The following MAP7 variants were observed in gnomAD, a reference collection of about 807,000 sequenced individuals.
The protein encoded by MAP7 is ensconsin.
In MAP7, 52 loss-of-function variants were observed where a neutral mutation model predicts 94.8. That is an observed-to-expected ratio of 0.55 (90% CI 0.44 to 0.69). The LOEUF (loss-of-function observed/expected upper bound fraction) is 0.69. Ranked by LOEUF, MAP7 falls within the 30% of genes least tolerant of loss-of-function variation. The pLI is 0.00. For synonymous variants in MAP7, 350 were observed against 357.0 expected (o/e 0.98, Z 0.22); for missense variants, 940 against 964.6 (o/e 0.97, Z 0.34).
intron 2 of MAP7, chr6:136,419,875 T>A (rs772634968): frequency 2.1e-5 from 10 of 486,958 alleles, no homozygotes; most frequent in Non-Finnish European, 3.9e-5. Flanking sequence ...TAAAGCTGTG[T>A]GTCAAGACTG....
At chr6:136,457,308 TA>T (rs561280865) in intron 1 of MAP7, among the ~76,000 whole-genome samples, 479 of 139,526 alleles carry the variant, frequency 3.4e-3, no homozygotes, top group Middle Eastern at 0.011. Flanking sequence ...AATCAGGAAT[TA>T]AAAAAAAAAA....
intron 1 of MAP7, among the ~76,000 whole-genome samples, chr6:136,456,109 G>C (rs1802773256): frequency 6.6e-6 from 1 of 152,086 alleles, no homozygotes; most frequent in African/African-American, 2.4e-5. Context: ...ACCCATTTAG[G>C]TTACTCATAG....
intron 9 of MAP7, 128 bp downstream of exon 9, chr6:136,366,199 C>A: frequency 9.5e-7 from 1 of 1,055,482 alleles, no homozygotes; most frequent in Non-Finnish European, 1.4e-6. Context: ...TTTTTCTTTC[C>A]TTTTGGGAAG....
chr6:136,345,990 G>A lies in MAP7; in HGVS notation c.2105C>T (p.Ser702Phe). 1.9e-6 allele frequency: 3 copies of A among 1,612,846 alleles called. 1 individual carries two copies. The highest frequency in any genetic ancestry group is 2.2e-5 in the South Asian group (2 of 91,048). Residue 702 changes from serine (S) to phenylalanine (F), a missense_variant, in exon 17 of 18, where the codon TCT becomes TTT. Physicochemically the swap from Ser to Phe is radical, Grantham distance 155. Transcript: ENST00000354570. ...FEEIINLPIG[S>F]KPSRLDVTNS... The stretch of plus-strand genomic sequence containing the variant: ...GGTGACATCTAATCTGGATGGTTTA[G>A]ATCCAATGGGTAAGTTTATAATTTC...
intron 7 of MAP7, among the ~76,000 whole-genome samples, chr6:136,374,960 C>T (rs527363791): frequency 1.3e-5 from 2 of 151,912 alleles, no homozygotes; most frequent in Non-Finnish European, 2.9e-5. Context: ...CACTTCATAT[C>T]CCAAATAGTT....
At chr6:136,478,949 A>G (rs1811823505) in intron 1 of MAP7, among the ~76,000 whole-genome samples, 2 of 148,476 alleles carry the variant, frequency 1.3e-5, no homozygotes, top group African/African-American at 2.5e-5. Flanking sequence ...TCATTCTAAG[A>G]GGCATGATAC....
chr6:136,387,408 T>C (rs1779458464), intron 5 of MAP7, among the ~76,000 whole-genome samples: 1 of 152,230 alleles, frequency 6.6e-6, no homozygotes, highest in Non-Finnish European at 1.5e-5. Flanking sequence ...ATTCCACATG[T>C]AATTACTTTA....
At chr6:136,523,293 C>T (rs148472791) in intron 1 of MAP7, among the ~76,000 whole-genome samples, 2 of 152,308 alleles carry the variant, frequency 1.3e-5, no homozygotes, top group African/African-American at 2.4e-5. Flanking sequence ...CGTCAGGAAG[C>T]AGTAAGGACG....
intron 1 of MAP7, among the ~76,000 whole-genome samples, chr6:136,527,164 CT>C (rs981480676): frequency 2.0e-4 from 31 of 152,272 alleles, no homozygotes; most frequent in Non-Finnish European, 3.7e-4. Flanking sequence ...AATTTTAGCT[CT>C]TTTTTGGATC....
At chr6:136,451,664 T>C (rs566412552) in intron 1 of MAP7, among the ~76,000 whole-genome samples, 1 of 152,132 alleles carries the variant, frequency 6.6e-6, no homozygotes, top group Non-Finnish European at 1.5e-5. Context: ...GCAAAGTAAA[T>C]TAAAAACCTT....
chr6:136,523,878 T>C (rs1474419443), intron 1 of MAP7, among the ~76,000 whole-genome samples: 1 of 152,056 alleles, frequency 6.6e-6, no homozygotes, highest in East Asian at 1.9e-4. Context: ...CTCTTCCTTT[T>C]TAAAAAAATA....
chr6:136,399,503 C>G (rs952279890), intron 3 of MAP7, among the ~76,000 whole-genome samples: 1 of 151,924 alleles, frequency 6.6e-6, no homozygotes, highest in South Asian at 2.1e-4. Context: ...GCCACCATGT[C>G]TGGCTCGTTT....
intron 3 of MAP7, among the ~76,000 whole-genome samples, chr6:136,404,948 T>C (rs1225793239): frequency 6.6e-6 from 1 of 152,332 alleles, no homozygotes; most frequent in African/African-American, 2.4e-5. Flanking sequence ...CCATAGATAA[T>C]AGGATAGATC....
intron 1 of MAP7, among the ~76,000 whole-genome samples, chr6:136,445,873 T>G (rs1799174265): frequency 6.6e-6 from 1 of 152,132 alleles, no homozygotes; most frequent in Non-Finnish European, 1.5e-5. Context: ...AAAAACTGAG[T>G]TTCTCCTGTC....
intron 3 of MAP7, among the ~76,000 whole-genome samples, chr6:136,399,545 A>T (rs1391895824): frequency 1.3e-5 from 2 of 151,666 alleles, no homozygotes; most frequent in East Asian, 3.9e-4. Context: ...GTAGAGACAG[A>T]GTCTTGCTGT....
Position 136,473,097 on chromosome 6 carries a change from C to T in MAP7, c.68-51298G>A, listed in dbSNP as rs895188822. Among the ~76,000 whole-genome samples the T allele has an allele frequency of 3.3e-5, 5 of 152,256 alleles. No individual in the cohort carries two copies. In the South Asian group the frequency reaches 1.0e-3, roughly 32 times the overall value. ...GCTCTTCTTTCCACCTGAAATGTCT[C>T]TTCAATCACCTCTGTTAAATCTTCC... is the stretch of plus-strand genomic sequence containing the variant. On this transcript the variant is annotated intron_variant, in intron 1 of 17. Transcript: ENST00000354570.
chr6:136,446,506 T>C (rs1799402929), intron 1 of MAP7, among the ~76,000 whole-genome samples: 1 of 152,204 alleles, frequency 6.6e-6, no homozygotes, highest in Non-Finnish European at 1.5e-5. Flanking sequence ...CATTAAATCA[T>C]TTGCCATTGG....
At chr6:136,348,557 T>C (rs949741721) in intron 16 of MAP7, among the ~76,000 whole-genome samples, 1 of 152,166 alleles carries the variant, frequency 6.6e-6, no homozygotes, top group Non-Finnish European at 1.5e-5. Flanking sequence ...TGTAAGACTT[T>C]TGAAGACCGC....
At chr6:136,390,809 G>A (rs563256330) in intron 3 of MAP7, among the ~76,000 whole-genome samples, 4 of 152,200 alleles carry the variant, frequency 2.6e-5, no homozygotes, top group African/African-American at 4.8e-5. Flanking sequence ...GAAAGTGATC[G>A]GAACTGACTT....
Sources: gnomAD v4.1 joint callset for allele counts (sites outside exome capture counted in the v4.1 genomes callset) on GRCh38, gnomAD v4.1.1 for gene constraint, MANE v1.5 for transcripts, NCBI Gene and HGNC (gene_info 2026-07-23, HGNC 2026-07-21) for gene names.